Variants in STAT1 observed in about 807,000 individuals in gnomAD.
The protein encoded by STAT1 is signal transducer and activator of transcription 1-alpha/beta.
A neutral mutation model predicts 111.7 loss-of-function variants in STAT1; 24 were observed. The observed-to-expected ratio is 0.21, with a 90% CI of 0.16 to 0.30. The LOEUF is 0.30. Among genes scored for constraint, STAT1 ranks in the 10% least tolerant of loss-of-function variants. The pLI, the probability that STAT1 is intolerant of heterozygous loss-of-function variation, is 1.00. For synonymous variants in STAT1, 332 were observed against 326.5 expected (o/e 1.02, Z -0.18); for missense variants, 351 against 911.9 (o/e 0.38, Z 7.92).
chr2:191,007,030 C>T lies in STAT1; in HGVS notation c.372+533G>A, dbSNP rs1694758484. The stretch of plus-strand genomic sequence containing the variant: ...AGGGGTTCTAGTAGCTGCTGTAGAG[C>T]CATCCTTGACTTTCTGCTCTCACTC... On this transcript the variant is annotated intron_variant, in intron 5 of 24. Transcript: ENST00000361099. This position sits in a 1 kb window ranked among gnomAD's most constrained non-coding sequence, Gnocchi z 4.2. 1.3e-5 allele frequency among the ~76,000 whole-genome samples: 2 copies of T among 152,152 alleles called. No homozygotes were observed.
chr2:190,994,625 A>T (rs762202249), intron 10 of STAT1, among the ~76,000 whole-genome samples: 2 of 152,138 alleles, frequency 1.3e-5, no homozygotes, highest in African/African-American at 2.4e-5. Flanking sequence ...AGTCATTGTC[A>T]TTAAAAAATT....
In STAT1 at chr2:190,975,911, G is replaced by A. The variant is rs761245455; in HGVS notation, c.2060-24C>T. On this transcript the variant is annotated intron_variant, in intron 22 of 24. Transcript: ENST00000361099. This position sits in a 1 kb window ranked among gnomAD's most constrained non-coding sequence, Gnocchi z 5.9. ...TGCTAGAAATAAACACATTGTGTAC[G>A]CTTTCCATCAACCGAAATTCCATCA... 8 of 1,589,286 alleles carry A rather than the reference G, an allele frequency of 5.0e-6. No individual in the cohort carries two copies. The South Asian group carries it at 7.7e-5, about 15-fold the overall frequency.
rs767387004 is a variant in STAT1, at chr2:190,995,258, A to C, written c.786-39T>G. 6.2e-7 allele frequency: 1 copy of C among 1,606,270 alleles called. No individual in the cohort carries two copies. The highest frequency in any genetic ancestry group is 8.5e-7 in the Non-Finnish European group (1 of 1,173,464). ...AGACACAGATGTCTCTATGAGAAAC[A>C]GTCCAGAAGCAGCCTGGATTAAAGG... On this transcript the variant is annotated intron_variant, in intron 9 of 24. Coordinates refer to ENST00000361099, the MANE Select transcript of STAT1 (RefSeq NM_007315.4). The surrounding 1 kb of genome is among the most constrained non-coding windows in gnomAD (Gnocchi z 4.2).
In STAT1 at chr2:190,970,593, CCTTT is replaced by C. The variant is rs1242374810; in HGVS notation, c.*106_*109del. 11 of 1,296,114 alleles carry C rather than the reference CCTTT, an allele frequency of 8.5e-6. No individual in the cohort carries two copies. Among genetic ancestry groups the C allele is most frequent in the Admixed American group, 5.1e-5 (3 of 58,858 alleles). The allele number at this position is 1,296,114 out of a possible 1,614,324, so 80.3% of individuals were successfully genotyped here. A position where few individuals can be genotyped will look rare whatever the true frequency, so the allele number is the denominator to read the frequency against. On this transcript the variant is annotated 3_prime_UTR_variant, in exon 25 of 25. Transcript: ENST00000361099. This position sits in a 1 kb window ranked among gnomAD's most constrained non-coding sequence, Gnocchi z 5.4. ...CAACAGGTTGCAGCGAATTTGCTGGCCTTTCTTTCATTTCCCTAGAAACACAGGA... is the reference window on the plus strand; with the variant it reads ...CAACAGGTTGCAGCGAATTTGCTGGCCTTTCATTTCCCTAGAAACACAGGA...
At position 191,007,756 on chromosome 2, in the gene STAT1, G is replaced by A. The variant is rs556821249; in HGVS notation, c.274-95C>T. 36 of 901,974 alleles carry A rather than the reference G, an allele frequency of 4.0e-5. 1 individual carries two copies. The South Asian group carries it at 4.1e-4, about 10-fold the overall frequency. 55.9% of individuals were successfully genotyped at this position (901,974 alleles called of 1,614,324 possible). ...TGATATGAATTTGTTTATATTCTCCGGGAAACCTCATCTCTCATCTATTAA... is the reference window on the plus strand; with the variant it reads ...TGATATGAATTTGTTTATATTCTCCAGGAAACCTCATCTCTCATCTATTAA... On this transcript the variant is annotated intron_variant, in intron 4 of 24. Transcript: ENST00000361099. The surrounding 1 kb of genome is among the most constrained non-coding windows in gnomAD (Gnocchi z 4.2).
chr2:190,988,403 G>GAGTCTC (rs1235865458), intron 12 of STAT1, among the ~76,000 whole-genome samples: 5 of 152,316 alleles, frequency 3.3e-5, no homozygotes, highest in African/African-American at 1.2e-4. Context: ...TTTTTAGACA[G>GAGTCTC]AGTCTCACTC....
Position 190,979,249 on chromosome 2 carries a change from C to T in STAT1, c.1728-248G>A, listed in dbSNP as rs186647270. Among the ~76,000 whole-genome samples, 3 of 152,242 alleles carry T rather than the reference C, an allele frequency of 2.0e-5. No individual in the cohort carries two copies. Among genetic ancestry groups the T allele is most frequent in the South Asian group, 2.1e-4 (1 of 4,834 alleles). On this transcript the variant is annotated intron_variant, in intron 20 of 24. Transcript: ENST00000361099. This position sits in a 1 kb window ranked among gnomAD's most constrained non-coding sequence, Gnocchi z 5.8. ...AGGATGCTACAGATGCTCAATAACA[C>T]GTGTGGGATTAATGAGCCTTTTATT...
intron 15 of STAT1, 133 bp downstream of exon 15, chr2:190,985,486 A>C: frequency 1.2e-6 from 1 of 864,568 alleles, no homozygotes; most frequent in Admixed American, 1.9e-5. Flanking sequence ...TATACCAAAT[A>C]CCCAGCTCCT....
chr2:190,983,745 A>T lies in STAT1; in HGVS notation c.1348-5T>A. 1 of 1,613,404 alleles carries T rather than the reference A, an allele frequency of 6.2e-7. No homozygotes were observed. Among genetic ancestry groups the T allele is most frequent in the Non-Finnish European group, 8.5e-7 (1 of 1,179,310 alleles). On this transcript the variant is annotated splice_region_variant and splice_polypyrimidine_tract_variant and intron_variant, in intron 16 of 24. Transcript: ENST00000361099. This position sits in a 1 kb window ranked among gnomAD's most constrained non-coding sequence, Gnocchi z 5.7. ...CACAACGGGCAGAGAGGTCGTCTAA[A>T]GGATGACAAAGACCTTGAAATCATC... is the stretch of plus-strand genomic sequence containing the variant.
In STAT1 at chr2:191,007,919, A is replaced by G. The variant is rs1215853519; in HGVS notation, c.274-258T>C. ...AAGTATTTTCACATATGGTTCACATAATATTTTTACTTTAATATCTTTCCA... is the reference window on the plus strand; with the variant it reads ...AAGTATTTTCACATATGGTTCACATGATATTTTTACTTTAATATCTTTCCA... On this transcript the variant is annotated intron_variant, in intron 4 of 24. Transcript: ENST00000361099. The surrounding 1 kb of genome is among the most constrained non-coding windows in gnomAD (Gnocchi z 4.2). 1 of 545,218 alleles carries G rather than the reference A, an allele frequency of 1.8e-6. No individual in the cohort carries two copies. Among genetic ancestry groups the G allele is most frequent in the Non-Finnish European group, 3.4e-6 (1 of 294,620 alleles). The allele number at this position is 545,218 out of a possible 1,614,324, so 33.8% of individuals were successfully genotyped here.
At chr2:190,985,885 A>T (rs1302137861) in intron 14 of STAT1, among the ~76,000 whole-genome samples, 1 of 152,188 alleles carries the variant, frequency 6.6e-6, no homozygotes, top group Non-Finnish European at 1.5e-5. Flanking sequence ...GATCTCTTGG[A>T]ATCACAACCC....
At chr2:190,991,359 C>G (rs376847432) in intron 10 of STAT1, 39 bp from the exon 11 acceptor site, 1 of 1,594,836 alleles carries the variant, frequency 6.3e-7, no homozygotes, top group South Asian at 1.1e-5. Context: ...GTTAGCATTT[C>G]CATTAAGGTT....
rs139396468 is a variant in STAT1, at chr2:191,007,698, T to C, written c.274-37A>G. The C allele has an allele frequency of 9.1e-5, 131 of 1,432,916 alleles. No individual in the cohort carries two copies. In the African/African-American group the frequency reaches 1.6e-3, roughly 17 times the overall value. 88.8% of individuals were successfully genotyped at this position (1,432,916 alleles called of 1,614,324 possible). On this transcript the variant is annotated intron_variant, in intron 4 of 24. Coordinates refer to ENST00000361099, the MANE Select transcript of STAT1 (RefSeq NM_007315.4). The surrounding 1 kb of genome is among the most constrained non-coding windows in gnomAD (Gnocchi z 4.2). ...TGGTTAGAACAAAAATAAATTAAAA[T>C]GCAGAATGTTTACTTTATTGTGTAT...
rs16833147 is a variant in STAT1, at chr2:190,984,302, A to C, written c.1347+8T>G. 728 of 1,610,054 alleles carry C rather than the reference A, an allele frequency of 4.5e-4. 8 individuals carry two copies. The African/African-American group carries it at 9.0e-3, about 20-fold the overall frequency. On this transcript the variant is annotated splice_region_variant and intron_variant, in intron 16 of 24. Coordinates refer to ENST00000361099, the MANE Select transcript of STAT1 (RefSeq NM_007315.4). This position sits in a 1 kb window ranked among gnomAD's most constrained non-coding sequence, Gnocchi z 5.2. ...AAGTTTTCCAACTCGGGACCATAAA[A>C]GTCTTACCTCGAGGTCAATTACCAA... is the stretch of plus-strand genomic sequence containing the variant.
chr2:190,984,898 T>A lies in STAT1; in HGVS notation c.1264-505A>T, dbSNP rs758701441. Among the ~76,000 whole-genome samples the A allele has an allele frequency of 5.3e-5, 8 of 152,198 alleles. No homozygotes were observed. The highest frequency in any genetic ancestry group is 1.0e-4 in the Non-Finnish European group (7 of 68,036). On this transcript the variant is annotated intron_variant, in intron 15 of 24. Transcript: ENST00000361099. The surrounding 1 kb of genome is among the most constrained non-coding windows in gnomAD (Gnocchi z 5.2). ...CATTACCTCATGTGAGCCTCACAAC[T>A]TAGAACTAGAGAGGTGCAACAGCTA...
At position 190,997,898 on chromosome 2, in the gene STAT1, A is replaced by G. The variant is rs779371351; in HGVS notation, c.743T>C (p.Ile248Thr). The change falls in exon 9 of 25, where the codon ATT (isoleucine) becomes ACT (threonine). Residue 248 changes from isoleucine (I) to threonine (T), a missense_variant. Ile to Thr is a moderately conservative substitution (Grantham distance 89). This residue lies in a region of STAT1 where 67 missense variants were observed against 158.9 expected (regional missense o/e 0.42). Transcript: ENST00000361099. This position sits in a 1 kb window ranked among gnomAD's most constrained non-coding sequence, Gnocchi z 7.3. ...CAAGCAAGCATTGGGCGGCCCCCCAATACAGGCGCTCTGCTGTCTCCGCTT... is the reference window on the plus strand; with the variant it reads ...CAAGCAAGCATTGGGCGGCCCCCCAGTACAGGCGCTCTGCTGTCTCCGCTT... ...EWKRRQQSAC[I>T]GGPPNACLDQ... is the part of the protein sequence containing the mutation. The G allele has an allele frequency of 9.9e-6, 16 of 1,614,076 alleles. No individual in the cohort carries two copies. The highest frequency in any genetic ancestry group is 3.3e-5 in the Admixed American group (2 of 60,008).
intron 12 of STAT1, among the ~76,000 whole-genome samples, chr2:190,988,911 G>A (rs967309241): frequency 6.6e-6 from 1 of 150,510 alleles, no homozygotes; most frequent in East Asian, 1.9e-4. Flanking sequence ...TGGGAGGGGT[G>A]GGGGGGGAGC....
In STAT1 at chr2:190,978,731, G is replaced by A; in HGVS notation, c.1873+125C>T. On this transcript the variant is annotated intron_variant, in intron 21 of 24. Transcript: ENST00000361099. This position sits in a 1 kb window ranked among gnomAD's most constrained non-coding sequence, Gnocchi z 6.1. Reference sequence around the variant, plus strand: ...ATTAAATCCTATCGGGGGCTCATTTGGGGTAAGTATAAGATCTGCAATTTC... The same window carrying A: ...ATTAAATCCTATCGGGGGCTCATTTAGGGTAAGTATAAGATCTGCAATTTC... 8.0e-6 allele frequency: 10 copies of A among 1,255,986 alleles called. No homozygotes were observed. Among genetic ancestry groups the A allele is most frequent in the Non-Finnish European group, 1.1e-5 (10 of 888,842 alleles). The allele number at this position is 1,255,986 out of a possible 1,614,324, so 77.8% of individuals were successfully genotyped here. A position where few individuals can be genotyped will look rare whatever the true frequency, so the allele number is the denominator to read the frequency against.
At position 190,983,601 on chromosome 2, in the gene STAT1, T is replaced by C. The variant is rs1692555874; in HGVS notation, c.1446+41A>G. On this transcript the variant is annotated intron_variant, in intron 17 of 24. Coordinates refer to ENST00000361099, the MANE Select transcript of STAT1 (RefSeq NM_007315.4). This position sits in a 1 kb window ranked among gnomAD's most constrained non-coding sequence, Gnocchi z 5.7. ...GATGCAGCAGTGAGAGCGTGGGGTC[T>C]CTGCTTAACCCTGGGACCAAAGCAA... 1.4e-5 allele frequency: 22 copies of C among 1,574,028 alleles called. No homozygotes were observed. Among genetic ancestry groups the C allele is most frequent in the Non-Finnish European group, 1.9e-5 (22 of 1,143,534 alleles).
Sources: gnomAD v4.1 joint callset for allele counts (sites outside exome capture counted in the v4.1 genomes callset) on GRCh38, gnomAD v4.1.1 for gene constraint, gnomAD v4.1.1 regional missense constraint, Gnocchi (gnomAD v3.1) non-coding constraint, MANE v1.5 for transcripts, NCBI Gene and HGNC (gene_info 2026-07-23, HGNC 2026-07-21) for gene names.